The following PTP4A3 variants were observed in gnomAD, a reference collection of about 807,000 sequenced individuals.
PTP4A3 encodes the protein protein tyrosine phosphatase 4A3.
Under a neutral mutation model 15.2 loss-of-function variants are expected in PTP4A3, and 9 were observed. The observed-to-expected ratio is 0.59, with a 90% CI of 0.36 to 1.03. The LOEUF (loss-of-function observed/expected upper bound fraction) is 1.03, where lower values mean the gene tolerates loss of function less well. Ranked by LOEUF, PTP4A3 falls within the 50% of genes least tolerant of loss-of-function variation. The probability of loss-of-function intolerance (pLI) is 0.02; values close to 1 mark genes in which losing one functional copy is unlikely to be tolerated. For missense variants in PTP4A3, 234 were observed against 252.1 expected (o/e 0.93, Z 0.49); for synonymous variants, 95 against 102.0 (o/e 0.93, Z 0.41).
chr8:141,423,139 C>A (rs1833411577), intron 2 of PTP4A3, among the ~76,000 whole-genome samples: 1 of 152,154 alleles, frequency 6.6e-6, no homozygotes, highest in South Asian at 2.1e-4. Context: ...ATGAGATAAG[C>A]CATCATGGTC....
rs1032029472 is a variant in PTP4A3, at chr8:141,425,718, C to T, written c.198+578C>T. On this transcript the variant is annotated intron_variant, in intron 3 of 5. Transcript: ENST00000521578. The surrounding 1 kb of genome is among the most constrained non-coding windows in gnomAD (Gnocchi z 4.2). ...CGACTGCCCCCCTGGTGCAGGCCTG[C>T]CCAGCTGCGCCTGGGCCTCAGTCTC... Among the ~76,000 whole-genome samples the T allele has an allele frequency of 7.2e-5, 11 of 152,190 alleles. No individual in the cohort carries two copies. The highest frequency in any genetic ancestry group is 1.0e-4 in the Non-Finnish European group (7 of 68,004).
chr8:141,416,859 A>AG (rs992216506), intron 1 of PTP4A3, among the ~76,000 whole-genome samples: 203 of 143,008 alleles, frequency 1.4e-3, no homozygotes, highest in African/African-American at 3.0e-3. Context: ...TGGCAGGGGG[A>AG]GGGGGGGTCG....
intron 1 of PTP4A3, among the ~76,000 whole-genome samples, chr8:141,400,794 A>T (rs938839771): frequency 4.6e-5 from 7 of 152,100 alleles, no homozygotes; most frequent in Admixed American, 3.3e-4. Context: ...CCCCGTGGGG[A>T]TGGCAGTAGG....
Position 141,427,720 on chromosome 8 carries a change from G to A in PTP4A3, c.330-30G>A, listed in dbSNP as rs562492974. ...AAGGGGACAGGGGTGCGCAGGCTCC[G>A]ATGACCCCCGCCCTGCTGTTTGCCC... On this transcript the variant is annotated intron_variant, in intron 4 of 5. Transcript: ENST00000521578. 1,292 of 1,543,542 alleles carry A rather than the reference G, an allele frequency of 8.4e-4. 20 individuals carry two copies. In the South Asian group the frequency reaches 0.014, roughly 17 times the overall value.
At chr8:141,408,952 T>C (rs1400674622) in intron 1 of PTP4A3, among the ~76,000 whole-genome samples, 1 of 152,164 alleles carries the variant, frequency 6.6e-6, no homozygotes, top group African/African-American at 2.4e-5. Flanking sequence ...ACAGACAAGG[T>C]TGTGAGGTAC....
chr8:141,395,820 G>T (rs1268850820), intron 1 of PTP4A3, among the ~76,000 whole-genome samples: 1 of 151,888 alleles, frequency 6.6e-6, no homozygotes, highest in East Asian at 1.9e-4. Flanking sequence ...CGGGATGTAG[G>T]GGTGCTCCCA....
At chr8:141,418,074 G>A (rs1833135462) in intron 1 of PTP4A3, among the ~76,000 whole-genome samples, 1 of 152,126 alleles carries the variant, frequency 6.6e-6, no homozygotes, top group East Asian at 1.9e-4. Context: ...CCCCAGCCCC[G>A]CCGGGGAGGA....
At chr8:141,411,401 G>A (rs182319973) in intron 1 of PTP4A3, among the ~76,000 whole-genome samples, 2 of 152,334 alleles carry the variant, frequency 1.3e-5, no homozygotes, top group Admixed American at 1.3e-4. Context: ...GGGAACCTGC[G>A]GGCCCCTCCA....
intron 5 of PTP4A3, among the ~76,000 whole-genome samples, chr8:141,428,839 TACAG>T (rs1833708226): frequency 6.6e-6 from 1 of 152,144 alleles, no homozygotes; most frequent in Non-Finnish European, 1.5e-5. Flanking sequence ...CACAGGCACA[TACAG>T]ACAAGCGGGT....
intron 1 of PTP4A3, among the ~76,000 whole-genome samples, chr8:141,394,963 G>A (rs954682439): frequency 1.1e-4 from 17 of 152,238 alleles, no homozygotes; most frequent in South Asian, 2.1e-4. Context: ...CCTGCCAGTC[G>A]GGTAGGCCAG....
chr8:141,415,556 G>A (rs528086158), intron 1 of PTP4A3, among the ~76,000 whole-genome samples: 9 of 147,522 alleles, frequency 6.1e-5, no homozygotes, highest in East Asian at 2.1e-4. Context: ...TCCTTCGGGG[G>A]AGTGCCCAGC....
At chr8:141,421,094 G>A (rs1833306712) in intron 1 of PTP4A3, among the ~76,000 whole-genome samples, 1 of 152,200 alleles carries the variant, frequency 6.6e-6, no homozygotes, top group Admixed American at 6.5e-5. Context: ...GTCCTCGGGG[G>A]TGTGTGTGTC....
intron 3 of PTP4A3, chr8:141,426,650 C>G: frequency 1.0e-6 from 1 of 985,378 alleles, no homozygotes; most frequent in Non-Finnish European, 1.2e-6. Flanking sequence ...AGGATTTGTG[C>G]GACTCTGGAG....
chr8:141,408,342 G>A (rs1832783461), intron 1 of PTP4A3, among the ~76,000 whole-genome samples: 1 of 152,206 alleles, frequency 6.6e-6, no homozygotes, highest in Non-Finnish European at 1.5e-5. Flanking sequence ...AAAATGACTG[G>A]GCCTGGTGGC....
chr8:141,425,200 G>GGGCGGGCC lies in PTP4A3; in HGVS notation c.198+63_198+64insGGGCCGGC. The GGGCGGGCC allele has an allele frequency of 8.7e-7, 1 of 1,155,902 alleles. No individual in the cohort carries two copies. The highest frequency in any genetic ancestry group is 1.3e-6 in the Non-Finnish European group (1 of 780,222). The allele number at this position is 1,155,902 out of a possible 1,614,324, so 71.6% of individuals were successfully genotyped here. On this transcript the variant is annotated intron_variant, in intron 3 of 5. Coordinates refer to ENST00000521578, the MANE Select transcript of PTP4A3 (RefSeq NM_032611.3). This position sits in a 1 kb window ranked among gnomAD's most constrained non-coding sequence, Gnocchi z 4.2. The stretch of plus-strand genomic sequence containing the variant: ...TGCCACCGGGGGAGGGTGGGGCGGG[G>GGGCGGGCC]GGCTCCGGGCCTGCGCAGAGGGTTT...
At position 141,431,166 on chromosome 8, in the gene PTP4A3, C is replaced by T. The variant is rs900181108; in HGVS notation, c.*122C>T. 6 of 905,260 alleles carry T rather than the reference C, an allele frequency of 6.6e-6. No homozygotes were observed. The highest frequency in any genetic ancestry group is 2.5e-5 in the East Asian group (1 of 40,692). 56.1% of individuals were successfully genotyped at this position (905,260 alleles called of 1,614,324 possible). A position where few individuals can be genotyped will look rare whatever the true frequency, so the allele number is the denominator to read the frequency against. On this transcript the variant is annotated 3_prime_UTR_variant, in exon 6 of 6. Coordinates refer to ENST00000521578, the MANE Select transcript of PTP4A3 (RefSeq NM_032611.3). ...CTCCAGGCCTTGGCTGGCCCCACAT[C>T]GCCTTTTCCTCCCCGACACCTCCGT... is the stretch of plus-strand genomic sequence containing the variant.
At chr8:141,413,312 G>A (rs1054506995) in intron 1 of PTP4A3, among the ~76,000 whole-genome samples, 6 of 152,186 alleles carry the variant, frequency 3.9e-5, no homozygotes, top group Admixed American at 1.3e-4. Context: ...CATGCCCTCC[G>A]GGACACCATG....
At chr8:141,430,000 G>C (rs1469176706) in intron 5 of PTP4A3, among the ~76,000 whole-genome samples, 1 of 87,840 alleles carries the variant, frequency 1.1e-5, no homozygotes, top group Non-Finnish European at 2.4e-5. Flanking sequence ...CAGGTGGCGG[G>C]GACAGGGTGA....
intron 5 of PTP4A3, among the ~76,000 whole-genome samples, chr8:141,429,602 A>G (rs7839136): frequency 2.0e-3 from 197 of 97,262 alleles, no homozygotes; most frequent in Non-Finnish European, 2.7e-3. Flanking sequence ...GGGACAGGGT[A>G]AGCGCACAGC....
Sources: gnomAD v4.1 joint callset for allele counts (sites outside exome capture counted in the v4.1 genomes callset) on GRCh38, gnomAD v4.1.1 for gene constraint, Gnocchi (gnomAD v3.1) non-coding constraint, MANE v1.5 for transcripts, NCBI Gene and HGNC (gene_info 2026-07-23, HGNC 2026-07-21) for gene names.